The following SULF1 variants were observed in gnomAD, a reference collection of about 807,000 sequenced individuals.
SULF1 encodes extracellular sulfatase Sulf-1.
A neutral mutation model predicts 110.5 loss-of-function variants in SULF1; 46 were observed. That is an observed-to-expected ratio of 0.42 (90% CI 0.33 to 0.53). The LOEUF is 0.53. Among genes scored for constraint, SULF1 ranks in the 20% least tolerant of loss-of-function variants. The pLI, the probability that SULF1 is intolerant of heterozygous loss-of-function variation, is 0.12. For synonymous variants in SULF1, 371 were observed against 387.1 expected, an observed-to-expected ratio of 0.96 and a Z score of 0.49; for missense variants, 941 against 1,094.2, an observed-to-expected ratio of 0.86 and a Z score of 1.98.
chr8:69,548,900 C>G (rs1209045704), intron 3 of SULF1, among the ~76,000 whole-genome samples: 1 of 151,994 alleles, frequency 6.6e-6, no homozygotes, highest in Non-Finnish European at 1.5e-5. Flanking sequence ...TGCCACAATC[C>G]CCAATGATTG....
intron 5 of SULF1, 43 bp downstream of exon 5, chr8:69,564,190 A>G: frequency 6.2e-7 from 1 of 1,602,286 alleles, no homozygotes; most frequent in Non-Finnish European, 8.5e-7. Context: ...TTTTGTTCAG[A>G]TGATTTCTCG....
At chr8:69,512,466 A>G (rs993299274) in intron 3 of SULF1, among the ~76,000 whole-genome samples, 2 of 152,212 alleles carry the variant, frequency 1.3e-5, no homozygotes, top group Non-Finnish European at 2.9e-5. Context: ...ATGGTATTGT[A>G]AAAAGACAAT....
upstream of SULF1, among the ~76,000 whole-genome samples, chr8:69,489,904 C>A (rs1386659424): frequency 1.3e-5 from 2 of 151,988 alleles, no homozygotes; most frequent in Admixed American, 1.3e-4. Context: ...AATGTAGATT[C>A]TCTCATTTCC....
At chr8:69,551,098 A>G (rs1274107009) in intron 3 of SULF1, among the ~76,000 whole-genome samples, 1 of 152,224 alleles carries the variant, frequency 6.6e-6, no homozygotes, top group African/African-American at 2.4e-5. Context: ...AGGTGATGAA[A>G]GGCCCACAGG....
intron 3 of SULF1, among the ~76,000 whole-genome samples, chr8:69,526,839 A>G (rs374434700): frequency 4.2e-4 from 56 of 134,746 alleles, no homozygotes; most frequent in Non-Finnish European, 6.2e-4. Context: ...GGAAGGAAGG[A>G]AGGGAGGAAG....
chr8:69,622,311 A>G (rs1809679460), intron 14 of SULF1, among the ~76,000 whole-genome samples: 2 of 152,122 alleles, frequency 1.3e-5, no homozygotes, highest in Admixed American at 1.3e-4. Context: ...AGGCGCGGTG[A>G]CTCACATCTG....
chr8:69,650,245 C>T (rs956738438), intron 22 of SULF1, among the ~76,000 whole-genome samples: 3 of 151,760 alleles, frequency 2.0e-5, no homozygotes, highest in African/African-American at 7.3e-5. Flanking sequence ...AGCGATTCTC[C>T]CATCTCTCAA....
chr8:69,521,252 G>A (rs1812276044), intron 3 of SULF1, among the ~76,000 whole-genome samples: 1 of 152,068 alleles, frequency 6.6e-6, no homozygotes, highest in South Asian at 2.1e-4. Flanking sequence ...GCAATGCCAA[G>A]CCCTGTTCTA....
chr8:69,491,253 A>G (rs763674759), upstream of SULF1, among the ~76,000 whole-genome samples: 1 of 152,252 alleles, frequency 6.6e-6, no homozygotes, highest in Admixed American at 6.5e-5. Flanking sequence ...CAAGAAATTC[A>G]GTATCTGACA....
At chr8:69,619,856 C>T (rs1809468398) in intron 13 of SULF1, among the ~76,000 whole-genome samples, 1 of 152,168 alleles carries the variant, frequency 6.6e-6, no homozygotes, top group Admixed American at 6.5e-5. Context: ...TATCTAGGGG[C>T]GGGTGCCGAC....
intron 1 of SULF1, among the ~76,000 whole-genome samples, chr8:69,476,204 C>A (rs1809292283): frequency 6.6e-6 from 1 of 152,176 alleles, no homozygotes; most frequent in South Asian, 2.1e-4. Context: ...AAATGAAATA[C>A]ACGTTCCCTT....
At chr8:69,597,970 TCTC>T (rs1807474348) in intron 8 of SULF1, among the ~76,000 whole-genome samples, 1 of 152,106 alleles carries the variant, frequency 6.6e-6, no homozygotes, top group Non-Finnish European at 1.5e-5. Context: ...GTAGCCCCTC[TCTC>T]CTCCTCCTCA....
chr8:69,504,251 C>G (rs560117377), intron 3 of SULF1, among the ~76,000 whole-genome samples: 2 of 152,064 alleles, frequency 1.3e-5, no homozygotes, highest in East Asian at 3.9e-4. Flanking sequence ...AAGTAAGTGT[C>G]TAGGCTGGGC....
chr8:69,526,819 AAGGAAGGAAGGAAGGAAGGAAGGG>A lies in SULF1; in HGVS notation c.-134+24869_-134+24892del, dbSNP rs1415662306. On this transcript the variant is annotated intron_variant, in intron 3 of 22. Transcript: ENST00000402687. Reference sequence around the variant, plus strand: ...AAAGAAAGGAAGGAAGGAAGGAAGGAAGGAAGGAAGGAAGGAAGGAAGGGAGGAAGGAAGGAAGGAAAGAAGGAG... The same window carrying A: ...AAAGAAAGGAAGGAAGGAAGGAAGGAAGGAAGGAAGGAAGGAAAGAAGGAG... Among the ~76,000 whole-genome samples, 156 of 145,876 alleles carry A rather than the reference AAGGAAGGAAGGAAGGAAGGAAGGG, an allele frequency of 1.1e-3. 1 individual carries two copies. The highest frequency in any genetic ancestry group is 3.6e-3 in the African/African-American group (142 of 38,986).
chr8:69,585,934 G>A (rs1806426257), intron 6 of SULF1, among the ~76,000 whole-genome samples: 1 of 152,168 alleles, frequency 6.6e-6, no homozygotes, highest in Non-Finnish European at 1.5e-5. Flanking sequence ...TTCTCAAATA[G>A]TAAGTTAGAA....
intron 3 of SULF1, among the ~76,000 whole-genome samples, chr8:69,506,371 C>T (rs889193815): frequency 3.3e-5 from 5 of 152,204 alleles, no homozygotes; most frequent in African/African-American, 1.2e-4. Flanking sequence ...ATCACTTTCA[C>T]ATGTGAGACT....
intron 6 of SULF1, among the ~76,000 whole-genome samples, chr8:69,578,567 C>T (rs1351396442): frequency 7.0e-6 from 1 of 142,398 alleles, no homozygotes; most frequent in Admixed American, 7.5e-5. Flanking sequence ...CCTTAGTCTT[C>T]AGGGCTCTCT....
chr8:69,578,701 G>A (rs73293346), intron 6 of SULF1, among the ~76,000 whole-genome samples: 8,241 of 152,000 alleles, frequency 0.054, 378 homozygotes, highest in African/African-American at 0.13. Flanking sequence ...TGTTTCAGTC[G>A]ATGTCTTCTC....
At chr8:69,608,490 G>A (rs552101560) in intron 13 of SULF1, among the ~76,000 whole-genome samples, 6 of 152,210 alleles carry the variant, frequency 3.9e-5, no homozygotes, top group Admixed American at 6.5e-5. Context: ...GACCAGCCTG[G>A]CCGACATAGT....
Sources: allele counts gnomAD v4.1 joint callset (sites outside exome capture counted in the v4.1 genomes callset), GRCh38; gene constraint gnomAD v4.1.1; transcripts MANE v1.5; gene names NCBI Gene and HGNC (gene_info 2026-07-23, HGNC 2026-07-21).